KCNIP4: variants seen among roughly 807,000 people sequenced by gnomAD.
KCNIP4 encodes potassium voltage-gated channel interacting protein 4.
A neutral mutation model predicts 34.0 loss-of-function variants in KCNIP4; 12 were observed. That is an observed-to-expected ratio of 0.35 (90% CI 0.23 to 0.57). The LOEUF is 0.57. KCNIP4 is among the 20% of genes least tolerant of loss of function. The probability of loss-of-function intolerance (pLI) is 0.83; values close to 1 mark genes in which losing one functional copy is unlikely to be tolerated. For missense variants in KCNIP4, 238 were observed against 311.7 expected (o/e 0.76, Z 1.78); for synonymous variants, 124 against 102.2 (o/e 1.21, Z -1.29).
chr4:21,474,704 T>C (rs1487626096), intron 1 of KCNIP4, among the ~76,000 whole-genome samples: 2 of 151,892 alleles, frequency 1.3e-5, no homozygotes, highest in Non-Finnish European at 2.9e-5. Context: ...ACATTAAAAA[T>C]AATTAAAATC....
At chr4:21,853,733 GA>G (rs1213964658) in intron 1 of KCNIP4, among the ~76,000 whole-genome samples, 1 of 152,190 alleles carries the variant, frequency 6.6e-6, no homozygotes, top group African/African-American at 2.4e-5. Context: ...GAATATCTGA[GA>G]AAAGCTATCT....
chr4:21,583,332 C>T (rs576894987), intron 1 of KCNIP4, among the ~76,000 whole-genome samples: 1 of 151,970 alleles, frequency 6.6e-6, no homozygotes, highest in South Asian at 2.1e-4. Flanking sequence ...GTTATTTAGG[C>T]TTGCTGTGCT....
intron 1 of KCNIP4, among the ~76,000 whole-genome samples, chr4:21,631,063 G>A (rs1432746428): frequency 6.6e-6 from 1 of 152,092 alleles, no homozygotes; most frequent in Non-Finnish European, 1.5e-5. Context: ...TATTCGGTAA[G>A]GAAAATGTAC....
At chr4:21,442,275 C>T (rs1347180792) in intron 1 of KCNIP4, among the ~76,000 whole-genome samples, 4 of 152,134 alleles carry the variant, frequency 2.6e-5, no homozygotes, top group East Asian at 3.9e-4. Context: ...TCCTTCCTAG[C>T]ACTTGTGGTT....
At chr4:21,528,736 AAAG>A (rs1736273637) in intron 1 of KCNIP4, among the ~76,000 whole-genome samples, 3 of 12,992 alleles carry the variant, frequency 2.3e-4, no homozygotes, top group African/African-American at 1.1e-3. Context: ...AGAAAGAAAG[AAAG>A]AAAGAAAGAA....
chr4:21,057,007 T>A (rs868190938), intron 1 of KCNIP4, among the ~76,000 whole-genome samples: 5 of 152,144 alleles, frequency 3.3e-5, no homozygotes, highest in African/African-American at 7.2e-5. Context: ...TTGCAATAAG[T>A]TATAACATAT....
At chr4:21,491,074 A>C (rs1732351004) in intron 1 of KCNIP4, among the ~76,000 whole-genome samples, 1 of 152,168 alleles carries the variant, frequency 6.6e-6, no homozygotes, top group Admixed American at 6.5e-5. Context: ...GATTATAGGA[A>C]CGACAGTTTG....
At chr4:21,892,444 TG>T (rs1285608312) in intron 1 of KCNIP4, among the ~76,000 whole-genome samples, 2 of 150,048 alleles carry the variant, frequency 1.3e-5, no homozygotes, top group Admixed American at 6.7e-5. Context: ...CTCATTAGAG[TG>T]TGTATGTTTG....
chr4:21,170,830 A>G (rs1204680494), intron 1 of KCNIP4, among the ~76,000 whole-genome samples: 1 of 152,152 alleles, frequency 6.6e-6, no homozygotes, highest in Non-Finnish European at 1.5e-5. Flanking sequence ...TAATTTTCCT[A>G]TTTCATAGAT....
chr4:21,405,815 C>A (rs922145268), intron 1 of KCNIP4, among the ~76,000 whole-genome samples: 2 of 152,258 alleles, frequency 1.3e-5, no homozygotes, highest in South Asian at 4.1e-4. Context: ...CAGCTAGTGG[C>A]CTGTCATCTT....
At chr4:21,396,613 A>G (rs572370512) in intron 1 of KCNIP4, among the ~76,000 whole-genome samples, 1 of 151,406 alleles carries the variant, frequency 6.6e-6, no homozygotes, top group Non-Finnish European at 1.5e-5. Flanking sequence ...ATCAAAAGTT[A>G]GAGAGATAGT....
intron 1 of KCNIP4, among the ~76,000 whole-genome samples, chr4:21,774,446 G>T (rs1719037523): frequency 6.6e-6 from 1 of 152,006 alleles, no homozygotes; most frequent in Admixed American, 6.6e-5. Flanking sequence ...GTATCTTAAT[G>T]GTGTTCTCTG....
chr4:20,755,769 G>A (rs1270681135), intron 4 of KCNIP4, among the ~76,000 whole-genome samples: 1 of 152,122 alleles, frequency 6.6e-6, no homozygotes, highest in Non-Finnish European at 1.5e-5. Context: ...GAGATATTGA[G>A]ATAGATATTT....
intron 1 of KCNIP4, among the ~76,000 whole-genome samples, chr4:21,391,641 C>T (rs1166412591): frequency 2.0e-5 from 3 of 152,136 alleles, no homozygotes; most frequent in Non-Finnish European, 4.4e-5. Flanking sequence ...TTCCCTAACC[C>T]TGTACATCAC....
intron 1 of KCNIP4, among the ~76,000 whole-genome samples, chr4:21,722,831 T>C (rs1053691965): frequency 1.3e-5 from 2 of 152,184 alleles, no homozygotes; most frequent in African/African-American, 4.8e-5. Context: ...GTAATATTTT[T>C]GTGCCACTCT....
At chr4:20,786,977 T>C (rs1206219184) in intron 3 of KCNIP4, among the ~76,000 whole-genome samples, 1 of 152,160 alleles carries the variant, frequency 6.6e-6, no homozygotes, top group Non-Finnish European at 1.5e-5. Context: ...AAATATTTTG[T>C]AAGCTGTAAG....
intron 1 of KCNIP4, among the ~76,000 whole-genome samples, chr4:21,527,314 A>AT (rs1242959427): frequency 2.0e-5 from 3 of 152,014 alleles, no homozygotes; most frequent in Non-Finnish European, 4.4e-5. Flanking sequence ...CTTGGCTAAT[A>AT]TTTTTTTTAA....
chr4:21,362,163 C>A lies in KCNIP4; in HGVS notation c.62-479454G>T, dbSNP rs183512709. 6.6e-4 allele frequency among the ~76,000 whole-genome samples: 100 copies of A among 152,202 alleles called. 1 individual carries two copies. The highest frequency in any genetic ancestry group is 6.0e-4 in the Non-Finnish European group (41 of 68,010). On this transcript the variant is annotated intron_variant, in intron 1 of 8. Coordinates refer to ENST00000382152, the MANE Select transcript of KCNIP4 (RefSeq NM_025221.6). ...CTCAGCTCCTGTTGTCTAGGGAAGA[C>A]AAAGAAATATGTAAAATTCAAGCTG...
chr4:21,886,038 T>C (rs1726745552), intron 1 of KCNIP4, among the ~76,000 whole-genome samples: 1 of 152,156 alleles, frequency 6.6e-6, no homozygotes, highest in African/African-American at 2.4e-5. Context: ...GATTATTTTT[T>C]CTTACTATTA....
Sources: allele counts gnomAD v4.1 joint callset (sites outside exome capture counted in the v4.1 genomes callset), GRCh38; gene constraint gnomAD v4.1.1; transcripts MANE v1.5; gene names NCBI Gene and HGNC (gene_info 2026-07-23, HGNC 2026-07-21).